Variants in PIP5K1B observed in about 807,000 individuals in gnomAD.
The protein encoded by PIP5K1B is phosphatidylinositol 4-phosphate 5-kinase type-1 beta.
In PIP5K1B, 42 loss-of-function variants were observed where a neutral mutation model predicts 67.0. The ratio of observed to expected loss-of-function variants is 0.63; its 90% CI spans 0.49 to 0.81. PIP5K1B has a LOEUF of 0.81. PIP5K1B is among the 30% of genes least tolerant of loss of function. The pLI, the probability that PIP5K1B is intolerant of heterozygous loss-of-function variation, is 0.00. For missense variants in PIP5K1B, 459 were observed against 646.3 expected (o/e 0.71, Z 3.14); for synonymous variants, 214 against 231.4 (o/e 0.92, Z 0.68).
chr9:68,916,034 A>G (rs1011534551), intron 8 of PIP5K1B, among the ~76,000 whole-genome samples: 34 of 152,206 alleles, frequency 2.2e-4, no homozygotes, highest in Non-Finnish European at 3.4e-4. Context: ...AACAAGAACA[A>G]GAAGCACAAG....
Position 68,858,618 on chromosome 9 carries a change from A to C in PIP5K1B, c.70-5219A>C, listed in dbSNP as rs573030142. Among the ~76,000 whole-genome samples, 8 of 152,284 alleles carry C rather than the reference A, an allele frequency of 5.3e-5. No homozygotes were observed. The South Asian group carries it at 1.7e-3, about 32-fold the overall frequency. On this transcript the variant is annotated intron_variant, in intron 4 of 15. Coordinates refer to ENST00000265382, the MANE Select transcript of PIP5K1B (RefSeq NM_003558.4). ...TGTTAAGCTAAGGGGTTTGGACTTA[A>C]TCCTCCAGGGAGGGCACTGAGAACC...
intron 4 of PIP5K1B, chr9:68,824,123 C>T (rs374424032): frequency 7.7e-4 from 402 of 518,834 alleles, no homozygotes; most frequent in Non-Finnish European, 1.4e-3. Context: ...AATCCTGTCT[C>T]GTTTACCCAA....
At chr9:68,733,184 G>A (rs562040600) in intron 1 of PIP5K1B, among the ~76,000 whole-genome samples, 3 of 152,332 alleles carry the variant, frequency 2.0e-5, no homozygotes, top group Admixed American at 2.0e-4. Context: ...AGTGGGAAAT[G>A]AGAAGCAGAT....
At chr9:68,909,782 A>G (rs1359409338) in intron 8 of PIP5K1B, among the ~76,000 whole-genome samples, 2 of 152,214 alleles carry the variant, frequency 1.3e-5, no homozygotes, top group Non-Finnish European at 2.9e-5. Flanking sequence ...GAGGCACATC[A>G]TGTCAGAATG....
intron 6 of PIP5K1B, among the ~76,000 whole-genome samples, chr9:68,888,703 C>T (rs933487618): frequency 2.0e-5 from 3 of 151,110 alleles, no homozygotes; most frequent in African/African-American, 7.3e-5. Context: ...TGAATTATCT[C>T]ATTGGACTGA....
intron 2 of PIP5K1B, among the ~76,000 whole-genome samples, chr9:68,751,645 T>C (rs916427240): frequency 6.6e-6 from 1 of 152,228 alleles, no homozygotes; most frequent in African/African-American, 2.4e-5. Flanking sequence ...GGGATTTACA[T>C]AGACATTTGT....
intron 4 of PIP5K1B, among the ~76,000 whole-genome samples, chr9:68,825,676 T>C (rs986790555): frequency 2.0e-5 from 3 of 152,164 alleles, no homozygotes; most frequent in Non-Finnish European, 2.9e-5. Context: ...AGGCCCCTGG[T>C]CCTTTATGCT....
chr9:68,936,046 G>A (rs891725848), intron 13 of PIP5K1B: 1 of 152,114 alleles, frequency 6.6e-6, no homozygotes, highest in Non-Finnish European at 1.5e-5. Flanking sequence ...CCTTTTGTTA[G>A]ATTTATTTCT....
intron 2 of PIP5K1B, among the ~76,000 whole-genome samples, chr9:68,746,253 A>G (rs745830353): frequency 6.6e-6 from 1 of 151,460 alleles, no homozygotes; most frequent in Non-Finnish European, 1.5e-5. Flanking sequence ...TAATTTTTGT[A>G]TTTTTAGTAG....
chr9:68,786,803 A>G (rs1441599513), intron 2 of PIP5K1B, among the ~76,000 whole-genome samples: 1 of 152,208 alleles, frequency 6.6e-6, no homozygotes, highest in Non-Finnish European at 1.5e-5. Context: ...GGTAGAGTAG[A>G]GTACAAAACA....
intron 2 of PIP5K1B, among the ~76,000 whole-genome samples, chr9:68,771,668 C>A (rs1015464290): frequency 1.3e-5 from 2 of 152,150 alleles, no homozygotes; most frequent in Non-Finnish European, 2.9e-5. Flanking sequence ...GTGTGAACTA[C>A]CATCATGTGA....
intron 14 of PIP5K1B, among the ~76,000 whole-genome samples, chr9:68,973,964 A>G (rs557129355): frequency 5.9e-5 from 9 of 151,408 alleles, no homozygotes; most frequent in African/African-American, 2.2e-4. Context: ...TGCAACCTTC[A>G]CCTCCCGGGC....
intron 14 of PIP5K1B, among the ~76,000 whole-genome samples, chr9:68,980,346 G>C (rs939443984): frequency 2.6e-5 from 4 of 152,220 alleles, no homozygotes; most frequent in African/African-American, 9.6e-5. Context: ...GCCATTAAGT[G>C]AGACCAGGCT....
intron 2 of PIP5K1B, among the ~76,000 whole-genome samples, chr9:68,806,341 G>T (rs2132005334): frequency 6.6e-6 from 1 of 152,302 alleles, no homozygotes; most frequent in East Asian, 1.9e-4. Flanking sequence ...TGTTTTTGTT[G>T]TAAACATCTT....
chr9:68,726,320 A>G (rs1474835986), intron 1 of PIP5K1B, among the ~76,000 whole-genome samples: 3 of 152,240 alleles, frequency 2.0e-5, no homozygotes, highest in African/African-American at 7.2e-5. Flanking sequence ...GATGACCTAT[A>G]CCAAGTGACA....
chr9:68,940,674 G>T lies in PIP5K1B; in HGVS notation c.1386G>T (p.Leu462=). ...EALGSRHRPD[L]VPSTPSLFEA... is the part of the protein sequence containing the mutation. The stretch of plus-strand genomic sequence containing the variant: ...TGGGATCCCGACACAGGCCAGACCT[G>T]GTCCCTAGCACTCCATCACTGTTTG... Residue 462 remains leucine (L), a synonymous_variant, in exon 14 of 16, where the codon CTG becomes CTT. Transcript: ENST00000265382. The T allele has an allele frequency of 6.2e-7, 1 of 1,613,984 alleles. No homozygotes were observed. Among genetic ancestry groups the T allele is most frequent in the Non-Finnish European group, 8.5e-7 (1 of 1,179,908 alleles).
chr9:68,885,069 A>G (rs1160226134), intron 6 of PIP5K1B, among the ~76,000 whole-genome samples: 2 of 152,250 alleles, frequency 1.3e-5, no homozygotes, highest in African/African-American at 2.4e-5. Context: ...ATGCCCATCA[A>G]AGGACAAATG....
intron 13 of PIP5K1B, among the ~76,000 whole-genome samples, chr9:68,938,473 T>G (rs753020241): frequency 1.3e-5 from 2 of 152,200 alleles, no homozygotes; most frequent in Non-Finnish European, 2.9e-5. Context: ...CATCCCTTTA[T>G]TTTGAGCCTA....
intron 1 of PIP5K1B, among the ~76,000 whole-genome samples, chr9:68,718,744 T>G (rs907471312): frequency 7.2e-5 from 11 of 152,224 alleles, no homozygotes; most frequent in African/African-American, 2.7e-4. Flanking sequence ...GTGATAGATT[T>G]AGTATTCATT....
Sources: gnomAD v4.1 joint callset for allele counts (sites outside exome capture counted in the v4.1 genomes callset) on GRCh38, gnomAD v4.1.1 for gene constraint, MANE v1.5 for transcripts, NCBI Gene and HGNC (gene_info 2026-07-23, HGNC 2026-07-21) for gene names.